Variants in AKR1C3 observed in about 807,000 individuals in gnomAD.
The protein encoded by AKR1C3 is 3-alpha hydroxysteroid dehydrogenase, type II.
In AKR1C3, 48 loss-of-function variants were observed where a neutral mutation model predicts 43.6. The ratio of observed to expected loss-of-function variants is 1.10; its 90% CI spans 0.87 to 1.40. The LOEUF (loss-of-function observed/expected upper bound fraction) is 1.40. Among genes scored for constraint, AKR1C3 ranks in the 40% most tolerant of loss-of-function variants. The pLI is 0.00. For synonymous variants in AKR1C3, 162 were observed against 139.6 expected (o/e 1.16, Z -1.13); for missense variants, 482 against 391.2 (o/e 1.23, Z -1.96).
At chr10:5,087,562 G>A (rs1303470290) in intron 1 of AKR1C3, among the ~76,000 whole-genome samples, 1 of 151,644 alleles carries the variant, frequency 6.6e-6, no homozygotes, top group Non-Finnish European at 1.5e-5. Context: ...TTTTAGTAGA[G>A]GCGGGGTTTC....
chr10:5,098,332 T>C (rs1839263157), intron 3 of AKR1C3, among the ~76,000 whole-genome samples: 1 of 152,200 alleles, frequency 6.6e-6, no homozygotes, highest in Admixed American at 6.5e-5. Flanking sequence ...AGGCTCATGG[T>C]CATCACCATA....
At chr10:5,097,976 T>C (rs1215901000) in intron 3 of AKR1C3, 22 of 1,031,318 alleles carry the variant, frequency 2.1e-5, no homozygotes, top group Non-Finnish European at 2.3e-5. Context: ...GAAGCCACTA[T>C]GCATGGTTCT....
chr10:5,075,142 C>T (rs1588341285), intron 1 of AKR1C3, among the ~76,000 whole-genome samples: 1 of 152,314 alleles, frequency 6.6e-6, no homozygotes, highest in African/African-American at 2.4e-5. Context: ...TCTTTTCTCC[C>T]TCCCATAACC....
intron 7 of AKR1C3, among the ~76,000 whole-genome samples, chr10:5,102,892 C>T (rs7089963): frequency 6.6e-6 from 1 of 151,890 alleles, no homozygotes; most frequent in African/African-American, 2.4e-5. Flanking sequence ...TGACAATCTA[C>T]TCTGCATCCC....
chr10:5,087,058 A>G (rs11252930), intron 1 of AKR1C3, among the ~76,000 whole-genome samples: 1 of 152,096 alleles, frequency 6.6e-6, no homozygotes, highest in East Asian at 1.9e-4. Flanking sequence ...GAGCATTTAG[A>G]CCATTTACAT....
At chr10:5,062,194 T>C (rs1838396192) in intron 1 of AKR1C3, among the ~76,000 whole-genome samples, 1 of 152,190 alleles carries the variant, frequency 6.6e-6, no homozygotes, top group Non-Finnish European at 1.5e-5. Flanking sequence ...ACTAACACTT[T>C]CACTCAACTG....
intron 1 of AKR1C3, among the ~76,000 whole-genome samples, chr10:5,083,130 G>C (rs1324872373): frequency 6.6e-6 from 1 of 151,722 alleles, no homozygotes. Flanking sequence ...CAACGTGCAG[G>C]TTTGTTACAT....
At chr10:5,086,958 G>T (rs1205162549) in intron 1 of AKR1C3, among the ~76,000 whole-genome samples, 1 of 151,988 alleles carries the variant, frequency 6.6e-6, no homozygotes, top group Non-Finnish European at 1.5e-5. Flanking sequence ...TTTATTTTGA[G>T]CCTATGTGTG....
chr10:5,048,812 A>G (rs540259585), exon 1 of AKR1C3: 17 of 1,613,536 alleles, frequency 1.1e-5, no homozygotes, highest in African/African-American at 2.7e-5. Flanking sequence ...AGTGACAGTG[A>G]TGGATTCAAA....
rs1839299459 is a variant in AKR1C3, at chr10:5,099,639, T to C, written c.570+190T>C. ...TGCTTGGAAAAGTATTAGGGAAAAA[T>C]TGGAATGAGTTTAATGCTGAATCGT... On this transcript the variant is annotated intron_variant, in intron 5 of 8. Transcript: ENST00000380554. 8 of 1,019,510 alleles carry C rather than the reference T, an allele frequency of 7.8e-6. No homozygotes were observed. The East Asian group carries it at 1.9e-4, about 24-fold the overall frequency. The allele number at this position is 1,019,510 out of a possible 1,614,324, so 63.2% of individuals were successfully genotyped here. A position where few individuals can be genotyped will look rare whatever the true frequency, so the allele number is the denominator to read the frequency against.
intron 3 of AKR1C3, chr10:5,098,117 G>C: frequency 1.0e-6 from 1 of 986,748 alleles, no homozygotes; most frequent in Non-Finnish European, 1.2e-6. Context: ...TAAAGTTACA[G>C]AAAACTACTC....
intron 1 of AKR1C3, among the ~76,000 whole-genome samples, chr10:5,063,408 A>G (rs1343249784): frequency 3.9e-5 from 6 of 152,194 alleles, no homozygotes; most frequent in Admixed American, 3.9e-4. Context: ...AGAAAGAAAT[A>G]CCAATGTCAT....
intron 1 of AKR1C3, among the ~76,000 whole-genome samples, chr10:5,066,283 C>T (rs782342853): frequency 1.3e-5 from 2 of 152,098 alleles, no homozygotes; most frequent in Non-Finnish European, 2.9e-5. Context: ...GTGCATGAGC[C>T]CAGTCCAAAA....
chr10:5,100,518 T>C (rs946928791), intron 5 of AKR1C3, among the ~76,000 whole-genome samples: 2 of 152,196 alleles, frequency 1.3e-5, no homozygotes, highest in African/African-American at 4.8e-5. Flanking sequence ...CCCTGAGTTA[T>C]TGTTAATGAT....
At chr10:5,084,358 C>T (rs1327889704) in intron 1 of AKR1C3, among the ~76,000 whole-genome samples, 2 of 151,308 alleles carry the variant, frequency 1.3e-5, no homozygotes, top group Non-Finnish European at 2.9e-5. Flanking sequence ...GCTTGTTTTT[C>T]TCAGGTTTGT....
intron 1 of AKR1C3, among the ~76,000 whole-genome samples, chr10:5,062,948 T>C (rs1352554924): frequency 2.6e-5 from 4 of 151,740 alleles, no homozygotes; most frequent in Non-Finnish European, 5.9e-5. Context: ...TGTAAGAAAA[T>C]GGTATAGGGA....
chr10:5,102,399 A>G (rs1554786192), intron 6 of AKR1C3, 86 bp from the exon 7 acceptor site: 6 of 1,519,554 alleles, frequency 3.9e-6, no homozygotes, highest in Non-Finnish European at 5.4e-6. Flanking sequence ...GCTCCGGTGC[A>G]GAGTGGATGC....
intron 1 of AKR1C3, among the ~76,000 whole-genome samples, chr10:5,086,785 G>A (rs1588348198): frequency 1.3e-5 from 2 of 152,290 alleles, no homozygotes; most frequent in Middle Eastern, 3.4e-3. Flanking sequence ...ATATATTTAG[G>A]ATAGTTAGCT....
At chr10:5,091,493 G>A (rs540619134), upstream of AKR1C3, among the ~76,000 whole-genome samples, 6 of 151,940 alleles carry the variant, frequency 3.9e-5, no homozygotes, top group Non-Finnish European at 8.8e-5. Context: ...TTAGCTTTTT[G>A]TCCTTCATAT....
Sources: allele counts gnomAD v4.1 joint callset (sites outside exome capture counted in the v4.1 genomes callset), GRCh38; gene constraint gnomAD v4.1.1; transcripts MANE v1.5; gene names NCBI Gene and HGNC (gene_info 2026-07-23, HGNC 2026-07-21).